The following NUP210L variants were observed in gnomAD, a reference collection of about 807,000 sequenced individuals.
NUP210L encodes nuclear pore membrane glycoprotein 210-like.
A neutral mutation model predicts 208.5 loss-of-function variants in NUP210L; 74 were observed. That is an observed-to-expected ratio of 0.35 (90% CI 0.29 to 0.43). The LOEUF is 0.43. Among genes scored for constraint, NUP210L ranks in the 20% least tolerant of loss-of-function variants. The pLI is 1.00. For missense variants in NUP210L, 1,843 were observed against 2,289.4 expected (o/e 0.81, Z 3.98); for synonymous variants, 780 against 816.9 (o/e 0.95, Z 0.77).
At chr1:153,998,423 C>T (rs555084103) in intron 37 of NUP210L, among the ~76,000 whole-genome samples, 14 of 151,894 alleles carry the variant, frequency 9.2e-5, no homozygotes, top group South Asian at 4.2e-4. Context: ...GGCGTGGTGG[C>T]GGGCACCTGC....
At chr1:154,056,277 C>T (rs990489798) in intron 23 of NUP210L, among the ~76,000 whole-genome samples, 6 of 152,184 alleles carry the variant, frequency 3.9e-5, no homozygotes, top group Non-Finnish European at 8.8e-5. Context: ...GTTTCAGTCT[C>T]CCAAGTAGCT....
At chr1:154,154,006 C>T (rs1283304601) in intron 1 of NUP210L, among the ~76,000 whole-genome samples, 1 of 152,154 alleles carries the variant, frequency 6.6e-6, no homozygotes, top group African/African-American at 2.4e-5. Context: ...TAGGTTCTCT[C>T]ATACCTTAGG....
chr1:154,106,124 G>T (rs1299182885), intron 12 of NUP210L, among the ~76,000 whole-genome samples: 1 of 152,012 alleles, frequency 6.6e-6, no homozygotes, highest in Admixed American at 6.6e-5. Context: ...ACCCGGGCGT[G>T]GTGGTGCATG....
chr1:154,105,942 CT>C (rs1656734776), intron 12 of NUP210L, among the ~76,000 whole-genome samples: 1 of 152,128 alleles, frequency 6.6e-6, no homozygotes, highest in Admixed American at 6.5e-5. Context: ...GAGAGACTCC[CT>C]CAGTTTGAAC....
exon 1 of NUP210L, chr1:154,154,905 G>C (rs1242647050): frequency 6.2e-7 from 1 of 1,614,236 alleles, no homozygotes. Flanking sequence ...TCGGCCGAAG[G>C]GTAGCAACAC....
intron 29 of NUP210L, among the ~76,000 whole-genome samples, chr1:154,026,594 T>A (rs946004083): frequency 2.6e-5 from 4 of 152,046 alleles, no homozygotes; most frequent in African/African-American, 9.7e-5. Flanking sequence ...GTGATCCACC[T>A]GCATTGGCCT....
chr1:154,125,708 AG>A (rs1657893545), intron 10 of NUP210L, among the ~76,000 whole-genome samples: 6 of 38,892 alleles, frequency 1.5e-4, no homozygotes, highest in African/African-American at 2.1e-4. Flanking sequence ...GAAGGAAGGA[AG>A]GAAGGAAGGA....
At chr1:154,038,811 C>T (rs1423700069) in intron 27 of NUP210L, among the ~76,000 whole-genome samples, 1 of 152,134 alleles carries the variant, frequency 6.6e-6, no homozygotes, top group Non-Finnish European at 1.5e-5. Flanking sequence ...CAAATAACAT[C>T]TTATAACCTG....
At chr1:154,120,168 G>A (rs1235032564) in intron 10 of NUP210L, among the ~76,000 whole-genome samples, 1 of 152,148 alleles carries the variant, frequency 6.6e-6, no homozygotes, top group Non-Finnish European at 1.5e-5. Context: ...TTTTTCATGT[G>A]TCTGTTGGCT....
intron 34 of NUP210L, 121 bp downstream of exon 34, chr1:154,012,123 C>G (rs1650961927): frequency 3.1e-6 from 3 of 956,670 alleles, no homozygotes; most frequent in Non-Finnish European, 4.7e-6. Context: ...ATTTATTTGT[C>G]AAGATGGAGT....
At chr1:154,045,262 A>G (rs985010847) in intron 27 of NUP210L, among the ~76,000 whole-genome samples, 8 of 152,324 alleles carry the variant, frequency 5.3e-5, no homozygotes, top group African/African-American at 1.7e-4. Flanking sequence ...AAACAAAGCA[A>G]TGCCACCTAC....
intron 10 of NUP210L, among the ~76,000 whole-genome samples, chr1:154,123,356 G>C (rs1327086640): frequency 6.6e-6 from 1 of 152,024 alleles, no homozygotes; most frequent in Non-Finnish European, 1.5e-5. Flanking sequence ...ATGTTGGCCA[G>C]GCTGGTCTCA....
chr1:154,068,818 A>C, intron 17 of NUP210L, among the ~76,000 whole-genome samples: 1 of 150,722 alleles, frequency 6.6e-6, no homozygotes, highest in African/African-American at 2.4e-5. Flanking sequence ...CACTCTGGGG[A>C]CTGTTGTGGG....
chr1:153,993,172 C>A, intron 38 of NUP210L, 83 bp from the exon 39 acceptor site: 1 of 850,596 alleles, frequency 1.2e-6, no homozygotes, highest in South Asian at 1.8e-5. Context: ...GAGAATATTG[C>A]TAAAAATAAT....
chr1:154,079,616 A>G (rs1309551907), intron 16 of NUP210L: 4 of 152,302 alleles, frequency 2.6e-5, no homozygotes, highest in Non-Finnish European at 4.4e-5. Flanking sequence ...AAAAAGTTCA[A>G]TGAGAAGCAC....
At chr1:154,124,541 A>G (rs1571302207) in intron 10 of NUP210L, among the ~76,000 whole-genome samples, 1 of 152,358 alleles carries the variant, frequency 6.6e-6, no homozygotes, top group East Asian at 1.9e-4. Context: ...AAATGTACAA[A>G]GATACTCAGT....
chr1:154,015,694 T>C (rs1651196776), intron 33 of NUP210L, among the ~76,000 whole-genome samples: 1 of 150,974 alleles, frequency 6.6e-6, no homozygotes, highest in South Asian at 2.1e-4. Flanking sequence ...CATTCCAGCT[T>C]GGGCAACAGA....
At chr1:154,073,374 A>C (rs1654862942) in intron 16 of NUP210L, among the ~76,000 whole-genome samples, 1 of 152,116 alleles carries the variant, frequency 6.6e-6, no homozygotes, top group Admixed American at 6.6e-5. Flanking sequence ...AAAATAAAAA[A>C]GATTAGTCAC....
chr1:154,103,310 C>T (rs1251601588), intron 13 of NUP210L, among the ~76,000 whole-genome samples: 4 of 151,836 alleles, frequency 2.6e-5, no homozygotes, highest in Non-Finnish European at 5.9e-5. Context: ...AGGAAAATTG[C>T]TTGAACCCGG....
Sources: gnomAD v4.1 joint callset for allele counts (sites outside exome capture counted in the v4.1 genomes callset) on GRCh38, gnomAD v4.1.1 for gene constraint, MANE v1.5 for transcripts, NCBI Gene and HGNC (gene_info 2026-07-23, HGNC 2026-07-21) for gene names.